The following CDH12 variants were observed in gnomAD, a reference collection of about 807,000 sequenced individuals.
CDH12 encodes cadherin-12.
Under a neutral mutation model 74.1 loss-of-function variants are expected in CDH12, and 41 were observed. That is an observed-to-expected ratio of 0.55 (90% confidence interval 0.43 to 0.72). CDH12 has a LOEUF of 0.72. CDH12 is among the 30% of genes least tolerant of loss of function. CDH12 has a pLI of 0.00. For missense variants in CDH12, 945 were observed against 977.2 expected (o/e 0.97, Z 0.44); for synonymous variants, 399 against 355.0 (o/e 1.12, Z -1.39).
intron 8 of CDH12, among the ~76,000 whole-genome samples, chr5:21,828,908 C>CTTTTT (rs70957070): frequency 1.7e-5 from 2 of 119,274 alleles, no homozygotes; most frequent in Non-Finnish European, 3.4e-5. Flanking sequence ...AATCCTATGT[C>CTTTTT]TTTTTTTTTT....
At chr5:22,607,139 A>T (rs1405375581) in intron 1 of CDH12, among the ~76,000 whole-genome samples, 1 of 152,192 alleles carries the variant, frequency 6.6e-6, no homozygotes. Context: ...AACGTTTGGA[A>T]AATTTGCTGT....
At chr5:21,951,143 C>T (rs923962112) in intron 6 of CDH12, among the ~76,000 whole-genome samples, 1 of 152,082 alleles carries the variant, frequency 6.6e-6, no homozygotes, top group Non-Finnish European at 1.5e-5. Context: ...AAATATTTTA[C>T]ATTCCATTGC....
intron 1 of CDH12, among the ~76,000 whole-genome samples, chr5:22,622,910 A>G (rs1738054960): frequency 6.6e-6 from 1 of 152,220 alleles, no homozygotes; most frequent in Non-Finnish European, 1.5e-5. Context: ...ACATCGATGC[A>G]AAAATCCTCA....
intron 4 of CDH12, among the ~76,000 whole-genome samples, chr5:22,175,624 T>C (rs1488269272): frequency 2.0e-5 from 3 of 152,110 alleles, no homozygotes; most frequent in Non-Finnish European, 4.4e-5. Context: ...ATAATGCAGC[T>C]AAAGATTTAT....
intron 6 of CDH12, among the ~76,000 whole-genome samples, chr5:21,867,855 G>A (rs1466091977): frequency 6.6e-6 from 1 of 152,134 alleles, no homozygotes; most frequent in Non-Finnish European, 1.5e-5. Context: ...TATTTAAGGG[G>A]TGAAATGATA....
intron 4 of CDH12, among the ~76,000 whole-genome samples, chr5:22,207,193 T>G (rs1580402162): frequency 7.8e-6 from 1 of 128,882 alleles, no homozygotes; most frequent in Non-Finnish European, 1.5e-5. Context: ...CACTCCAGCC[T>G]GGGCGACAGA....
chr5:22,516,731 G>C (rs1736826108), intron 1 of CDH12, among the ~76,000 whole-genome samples: 1 of 152,104 alleles, frequency 6.6e-6, no homozygotes. Flanking sequence ...GGAAGTTGAG[G>C]CTGCAGTGAG....
intron 11 of CDH12, among the ~76,000 whole-genome samples, chr5:21,765,607 A>G (rs1393745421): frequency 2.0e-5 from 3 of 152,028 alleles, no homozygotes; most frequent in African/African-American, 7.2e-5. Flanking sequence ...AACTTAAGGA[A>G]GTAGAACTAA....
At chr5:21,855,719 G>A (rs1220304573) in intron 6 of CDH12, among the ~76,000 whole-genome samples, 1 of 151,462 alleles carries the variant, frequency 6.6e-6, no homozygotes, top group Non-Finnish European at 1.5e-5. Context: ...CCCTTAATCT[G>A]CTGGAGGCAC....
At chr5:21,901,862 A>C (rs1561285931) in intron 6 of CDH12, among the ~76,000 whole-genome samples, 1 of 152,060 alleles carries the variant, frequency 6.6e-6, no homozygotes, top group Non-Finnish European at 1.5e-5. Context: ...TTTCCTTCAC[A>C]AGTTTTGCTC....
chr5:22,035,384 GTGTA>G (rs1739098048), intron 5 of CDH12, among the ~76,000 whole-genome samples: 1 of 148,026 alleles, frequency 6.8e-6, no homozygotes. Flanking sequence ...TCTCTGGCCT[GTGTA>G]TATATATATA....
In CDH12 at chr5:21,776,603, G is replaced by A. The variant is rs370749238; in HGVS notation, c.1393+6755C>T. Among the ~76,000 whole-genome samples the A allele has an allele frequency of 5.9e-5, 9 of 152,086 alleles. No homozygotes were observed. In the East Asian group the frequency reaches 1.5e-3, roughly 26 times the overall value. ...TGCTCCACCTATTTTTAGGATATTT[G>A]TGACTTCATCTTCTATTTATGTGCC... On this transcript the variant is annotated intron_variant, in intron 11 of 14. Coordinates refer to ENST00000382254, the MANE Select transcript of CDH12 (RefSeq NM_004061.5).
At chr5:21,781,902 T>C (rs1745936671) in intron 11 of CDH12, among the ~76,000 whole-genome samples, 1 of 152,208 alleles carries the variant, frequency 6.6e-6, no homozygotes, top group South Asian at 2.1e-4. Context: ...TCTGTTCCCA[T>C]GTATCAGCAG....
intron 6 of CDH12, among the ~76,000 whole-genome samples, chr5:21,917,192 C>T (rs1288397812): frequency 1.3e-5 from 2 of 152,146 alleles, no homozygotes; most frequent in East Asian, 3.9e-4. Context: ...TTTCATTTGG[C>T]TTGAGGGACA....
rs996451348 is a variant in CDH12 at position 22,109,462 on chromosome 5, G to A, written c.-186-30600C>T. On this transcript the variant is annotated intron_variant, in intron 4 of 14. Transcript: ENST00000382254. ...ATGGGATTTCAGGTTCAGGGAACAAGCACAAAACATGCTGATAATACTGTT... is the reference window on the plus strand; with the variant it reads ...ATGGGATTTCAGGTTCAGGGAACAAACACAAAACATGCTGATAATACTGTT... 2.0e-5 allele frequency among the ~76,000 whole-genome samples: 3 copies of A among 152,292 alleles called. No individual in the cohort carries two copies. The South Asian group carries it at 6.2e-4, about 32-fold the overall frequency.
intron 3 of CDH12, among the ~76,000 whole-genome samples, chr5:22,244,776 GAAAGAAAGAAAGAAAGAAAGAAAGAA>G (rs1561251258): frequency 1.0e-3 from 125 of 123,886 alleles, no homozygotes; most frequent in East Asian, 4.6e-3. Context: ...AAGAAAGAAA[GAAAGAAAGAAAGAAAGAAAGAAAGAA>G]AAATTCAAAG....
intron 2 of CDH12, among the ~76,000 whole-genome samples, chr5:22,487,040 C>T (rs1447506841): frequency 1.4e-4 from 3 of 21,724 alleles, no homozygotes; most frequent in South Asian, 8.8e-4. Context: ...TATATACATA[C>T]GGCTTTTTTT....
intron 4 of CDH12, among the ~76,000 whole-genome samples, chr5:22,146,874 A>G (rs1488488950): frequency 1.3e-5 from 2 of 152,156 alleles, no homozygotes; most frequent in Non-Finnish European, 2.9e-5. Flanking sequence ...CAGCCTGCTG[A>G]ATGACTATGT....
intron 1 of CDH12, among the ~76,000 whole-genome samples, chr5:22,713,437 G>A (rs867878157): frequency 6.6e-6 from 1 of 151,740 alleles, no homozygotes; most frequent in Non-Finnish European, 1.5e-5. Flanking sequence ...CACCGCACCC[G>A]GCCGACCTTA....
Sources: allele counts gnomAD v4.1 joint callset (sites outside exome capture counted in the v4.1 genomes callset), GRCh38; gene constraint gnomAD v4.1.1; transcripts MANE v1.5; gene names NCBI Gene and HGNC (gene_info 2026-07-23, HGNC 2026-07-21).